COP1: variants seen among roughly 807,000 people sequenced by gnomAD.
The protein encoded by COP1 is E3 ubiquitin-protein ligase COP1.
In COP1, 24 loss-of-function variants were observed where a neutral mutation model predicts 101.3. The observed-to-expected ratio is 0.24, with a 90% CI of 0.17 to 0.33. COP1 has a LOEUF of 0.33. Among genes scored for constraint, COP1 ranks in the 10% least tolerant of loss-of-function variants. The pLI is 1.00. For synonymous variants in COP1, 347 were observed against 341.9 expected (o/e 1.01, Z -0.17); for missense variants, 663 against 906.2 (o/e 0.73, Z 3.45).
Position 176,058,167 on chromosome 1 carries a change from G to A in COP1, c.1278-11843C>T, listed in dbSNP as rs1348609998. ...GGGGTCAGCCCCCGCCCGGCCAGCC[G>A]CCCCGCCCGGTAGGGAGGGGGGGGG... On this transcript the variant is annotated intron_variant, in intron 11 of 19. Transcript: ENST00000367669. Among the ~76,000 whole-genome samples, 128 of 52,266 alleles carry A rather than the reference G, an allele frequency of 2.4e-3. 2 individuals are homozygous for A. Among genetic ancestry groups the A allele is most frequent in the African/African-American group, 6.3e-3 (121 of 19,222 alleles). 34.3% of individuals were successfully genotyped at this position (52,266 alleles called of 152,430 possible). A position where few individuals can be genotyped will look rare whatever the true frequency, so the allele number is the denominator to read the frequency against.
In COP1 at chr1:175,962,559, G is replaced by A. The variant is rs564984003; in HGVS notation, c.2134-15320C>T. 6.5e-4 allele frequency among the ~76,000 whole-genome samples: 98 copies of A among 151,862 alleles called. No homozygotes were observed. The South Asian group carries it at 0.02, about 31-fold the overall frequency. On this transcript the variant is annotated intron_variant, in intron 18 of 19. Transcript: ENST00000367669. ...TTTTCATTGGGGGTTTTCTTTCTAC[G>A]AGATATCCCCCACTATTCCAACCCA...
At chr1:176,159,573 A>T (rs1034727640) in intron 5 of COP1, among the ~76,000 whole-genome samples, 1 of 152,240 alleles carries the variant, frequency 6.6e-6, no homozygotes, top group Non-Finnish European at 1.5e-5. Context: ...CTAAATGCCC[A>T]TCAATAGAAT....
In COP1 at chr1:176,190,280, A is replaced by G. The variant is rs186732662; in HGVS notation, c.408-5588T>C. On this transcript the variant is annotated intron_variant, in intron 1 of 19. Transcript: ENST00000367669. Reference sequence around the variant, plus strand: ...CCAATAAGTATTTTCTTTGCGTGTCATGGTGGCACTCAAAAAGGTTCAGAT... The same window carrying G: ...CCAATAAGTATTTTCTTTGCGTGTCGTGGTGGCACTCAAAAAGGTTCAGAT... Among the ~76,000 whole-genome samples the G allele has an allele frequency of 1.7e-3, 266 of 152,176 alleles. 1 individual carries two copies. Among genetic ancestry groups the G allele is most frequent in the Non-Finnish European group, 3.1e-3 (210 of 67,934 alleles).
At chr1:176,161,966 TTTTTC>T (rs1322695231) in intron 5 of COP1, among the ~76,000 whole-genome samples, 2 of 152,182 alleles carry the variant, frequency 1.3e-5, no homozygotes, top group African/African-American at 4.8e-5. Context: ...AAAGCTCCTT[TTTTTC>T]TTTTATCAAA....
At chr1:176,031,661 T>A (rs925188076) in intron 14 of COP1, among the ~76,000 whole-genome samples, 1 of 152,146 alleles carries the variant, frequency 6.6e-6, no homozygotes, top group Admixed American at 6.5e-5. Flanking sequence ...AATCATACCA[T>A]AATTAGGAGG....
intron 3 of COP1, among the ~76,000 whole-genome samples, chr1:176,165,879 G>A (rs1384735686): frequency 6.6e-6 from 1 of 152,122 alleles, no homozygotes; most frequent in Non-Finnish European, 1.5e-5. Context: ...AGATAAAGGA[G>A]AGAGCATGAA....
chr1:176,093,953 G>A (rs1163686035), intron 9 of COP1, among the ~76,000 whole-genome samples: 1 of 151,888 alleles, frequency 6.6e-6, no homozygotes, highest in Non-Finnish European at 1.5e-5. Flanking sequence ...AACCCAGGAA[G>A]CGGAGGTTGT....
chr1:176,006,923 G>A (rs1663396010), intron 15 of COP1, among the ~76,000 whole-genome samples: 1 of 151,970 alleles, frequency 6.6e-6, no homozygotes, highest in African/African-American at 2.4e-5. Flanking sequence ...AAGTTCTACT[G>A]GATAATATCC....
intron 18 of COP1, among the ~76,000 whole-genome samples, chr1:175,951,463 A>ATATATATATATATATATATGTATATATAT: frequency 2.5e-5 from 1 of 39,920 alleles, no homozygotes; most frequent in Non-Finnish European, 4.9e-5. Context: ...TATATATATA[A>ATATATATATATATATATATGTATATATAT]AAACTTCCAT....
Position 175,993,649 on chromosome 1 carries a change from G to A in COP1, c.1730-4170C>T, listed in dbSNP as rs555723566. 1.7e-3 allele frequency among the ~76,000 whole-genome samples: 261 copies of A among 152,230 alleles called. 1 individual carries two copies. Among genetic ancestry groups the A allele is most frequent in the African/African-American group, 6.1e-3 (253 of 41,544 alleles). On this transcript the variant is annotated intron_variant, in intron 15 of 19. Coordinates refer to ENST00000367669, the MANE Select transcript of COP1 (RefSeq NM_022457.7). ...AACTGGAAGAAAGGGTATCAGTGATGGAAGATGAAATGAATGAAATGAAGC... is the reference window on the plus strand; with the variant it reads ...AACTGGAAGAAAGGGTATCAGTGATAGAAGATGAAATGAATGAAATGAAGC...
chr1:176,178,874 A>C (rs1012635926), intron 2 of COP1, among the ~76,000 whole-genome samples: 16 of 151,640 alleles, frequency 1.1e-4, no homozygotes, highest in African/African-American at 3.9e-4. Context: ...CATCCCAAAA[A>C]AAGGTAAGAG....
At chr1:175,988,133 A>G (rs1384561930) in intron 17 of COP1, among the ~76,000 whole-genome samples, 155 bp downstream of exon 17, 1 of 152,230 alleles carries the variant, frequency 6.6e-6, no homozygotes, top group Non-Finnish European at 1.5e-5. Flanking sequence ...AGTACAACAC[A>G]AGGAAAATCA....
intron 11 of COP1, among the ~76,000 whole-genome samples, chr1:176,061,326 G>T (rs889514712): frequency 2.0e-5 from 3 of 152,134 alleles, no homozygotes; most frequent in Admixed American, 2.0e-4. Context: ...CTCTATACTG[G>T]CAGGAAAAAA....
intron 15 of COP1, among the ~76,000 whole-genome samples, chr1:176,025,053 G>C (rs188643756): frequency 1.3e-5 from 2 of 152,210 alleles, no homozygotes; most frequent in East Asian, 1.9e-4. Context: ...GTTCATTCAA[G>C]AAAAATACAA....
rs141607792 is a variant in COP1, at chr1:176,069,058, C to T, written c.1277+12094G>A. ...CAAAAATTAGCCAGGCGTGGTGGCA[C>T]GTGCTTGTAGTCCTAGCCACAGGGG... is the stretch of plus-strand genomic sequence containing the variant. On this transcript the variant is annotated intron_variant, in intron 11 of 19. Coordinates refer to ENST00000367669, the MANE Select transcript of COP1 (RefSeq NM_022457.7). 2.7e-3 allele frequency among the ~76,000 whole-genome samples: 413 copies of T among 152,138 alleles called. 3 individuals are homozygous for T. Among genetic ancestry groups the T allele is most frequent in the African/African-American group, 9.3e-3 (385 of 41,506 alleles).
intron 6 of COP1, among the ~76,000 whole-genome samples, chr1:176,141,523 T>C (rs578104886): frequency 2.6e-5 from 4 of 151,806 alleles, no homozygotes; most frequent in South Asian, 4.2e-4. Context: ...CATACATACA[T>C]ACAGCAGCAA....
chr1:176,078,114 G>A (rs554091267), intron 11 of COP1, among the ~76,000 whole-genome samples: 21 of 152,116 alleles, frequency 1.4e-4, no homozygotes, highest in African/African-American at 3.6e-4. Context: ...AAATACCAAC[G>A]TCATTTTTCA....
intron 18 of COP1, among the ~76,000 whole-genome samples, chr1:175,970,030 A>G (rs150946895): frequency 8.1e-4 from 123 of 152,184 alleles, no homozygotes; most frequent in African/African-American, 2.9e-3. Flanking sequence ...TTCTCACTCA[A>G]TCTTTAACTC....
chr1:176,046,300 G>C lies in COP1; in HGVS notation c.1302C>G (p.Asp434Glu), dbSNP rs764809261. The C allele has an allele frequency of 6.8e-6, 11 of 1,609,072 alleles. No individual in the cohort carries two copies. The South Asian group carries it at 1.2e-4, about 18-fold the overall frequency. ...VSSIEFDRDC[D>E]YFAIAGVTKK... ...TTGTAACTCCAGCAATCGCAAAATA[G>C]TCACAATCCCGGTCAAATTCAATAC... The change falls in exon 12 of 20, where the codon GAC (aspartate) becomes GAG (glutamate). Residue 434 changes from aspartate (D) to glutamate (E), a missense_variant. By Grantham distance (45) the Asp-to-Glu change is conservative. Coordinates refer to ENST00000367669, the MANE Select transcript of COP1 (RefSeq NM_022457.7).
Sources: gnomAD v4.1 joint callset for allele counts (sites outside exome capture counted in the v4.1 genomes callset) on GRCh38, gnomAD v4.1.1 for gene constraint, MANE v1.5 for transcripts, NCBI Gene and HGNC (gene_info 2026-07-23, HGNC 2026-07-21) for gene names.